CUX1: variants seen among roughly 807,000 people sequenced by gnomAD.
CUX1 encodes the protein protein CASP.
In CUX1, 31 loss-of-function variants were observed where a neutral mutation model predicts 158.8. That is an observed-to-expected ratio of 0.20 (90% CI 0.15 to 0.26). The LOEUF (loss-of-function observed/expected upper bound fraction) is 0.26, where lower values mean the gene tolerates loss of function less well. CUX1 is among the 10% of genes least tolerant of loss of function. The pLI is 1.00. For missense variants in CUX1, 1,589 were observed against 2,014.6 expected (o/e 0.79, Z 4.04); for synonymous variants, 879 against 862.1 (o/e 1.02, Z -0.34).
chr7:102,274,279 G>A (rs1780600890), exon 16 of CUX1: 1 of 1,613,558 alleles, frequency 6.2e-7, no homozygotes, highest in African/African-American at 1.3e-5. Context: ...AGATCCCAGA[G>A]CCCATCAAAG....
intron 2 of CUX1, among the ~76,000 whole-genome samples, chr7:102,007,274 G>A (rs972300850): frequency 1.3e-5 from 2 of 152,090 alleles, no homozygotes; most frequent in African/African-American, 4.8e-5. Flanking sequence ...GAACCCCTCA[G>A]TTCATTCTCA....
chr7:101,824,358 G>A (rs996612197), intron 1 of CUX1: 1 of 152,222 alleles, frequency 6.6e-6, no homozygotes, highest in Non-Finnish European at 1.5e-5. Flanking sequence ...CAAAGTGGTG[G>A]GATTACAGGT....
In CUX1 at chr7:102,253,193, G is replaced by A. The variant is rs945894571; in HGVS notation, c.*4151G>A. ...TGGACGTTCAGGTCTGCTGGTTGGC[G>A]GTCCGGGCCCAGAGTGCAGCAGAGC... On this transcript the variant is annotated 3_prime_UTR_variant, in exon 24 of 24. Transcript: ENST00000292535. 21 of 985,366 alleles carry A rather than the reference G, an allele frequency of 2.1e-5. No individual in the cohort carries two copies. The African/African-American group carries it at 2.6e-4, about 12-fold the overall frequency. The allele number at this position is 985,366 out of a possible 1,614,324, so 61.0% of individuals were successfully genotyped here.
At chr7:102,137,923 C>T (rs1365930789) in intron 8 of CUX1, among the ~76,000 whole-genome samples, 1 of 152,102 alleles carries the variant, frequency 6.6e-6, no homozygotes, top group Non-Finnish European at 1.5e-5. Flanking sequence ...CACTGGCTCA[C>T]ACCTGTAGCC....
chr7:101,825,796 TGTGCGC>T (rs779082979), intron 1 of CUX1, among the ~76,000 whole-genome samples: 12,771 of 81,972 alleles, frequency 0.16, 448 homozygotes, highest in Middle Eastern at 0.22. Context: ...TGTGTGTGTG[TGTGCGC>T]GCGCGCGCGC....
At chr7:102,062,661 C>A (rs958128259) in intron 3 of CUX1, among the ~76,000 whole-genome samples, 1 of 152,114 alleles carries the variant, frequency 6.6e-6, no homozygotes, top group Non-Finnish European at 1.5e-5. Context: ...CCACACCCAC[C>A]CAGCCAATTT....
rs188116808 is a variant in CUX1, at chr7:101,856,290, G to T, written c.30+38621G>T. Among the ~76,000 whole-genome samples the T allele has an allele frequency of 4.6e-5, 7 of 151,912 alleles. No individual in the cohort carries two copies. In the East Asian group the frequency reaches 1.4e-3, roughly 29 times the overall value. ...TTTTCAGCCATCAACGCAGGGAGCC[G>T]TTAATCACGACCCATAATAACCAGA... is the stretch of plus-strand genomic sequence containing the variant. On this transcript the variant is annotated intron_variant, in intron 1 of 23. Transcript: ENST00000292535.
chr7:102,037,160 A>G (rs1411888827), intron 3 of CUX1, among the ~76,000 whole-genome samples: 1 of 151,804 alleles, frequency 6.6e-6, no homozygotes, highest in African/African-American at 2.4e-5. Flanking sequence ...GTGCCACTGC[A>G]CTACAGCCTG....
At chr7:101,817,078 G>A (rs997110122), upstream of CUX1, 5 of 984,534 alleles carry the variant, frequency 5.1e-6, no homozygotes, top group East Asian at 4.6e-4. This position sits in a 1 kb window ranked among gnomAD's most constrained non-coding sequence, Gnocchi z 4.1. Flanking sequence ...AGGGGCGGCG[G>A]GGGTGCCCCG....
In CUX1 at chr7:102,256,715, G is replaced by T. The variant is rs1420742798; in HGVS notation, c.*7673G>T. The T allele has an allele frequency of 1.0e-6, 1 of 985,308 alleles. No homozygotes were observed. Among genetic ancestry groups the T allele is most frequent in the African/African-American group, 1.7e-5 (1 of 57,224 alleles). 61.0% of individuals were successfully genotyped at this position (985,308 alleles called of 1,614,324 possible). A position where few individuals can be genotyped will look rare whatever the true frequency, so the allele number is the denominator to read the frequency against. ...GCAAAGCCAAGTTCAGTTCCCCAAAGCCTCCTAGAGCCTCTGGTAAGACTT... is the reference window on the plus strand; with the variant it reads ...GCAAAGCCAAGTTCAGTTCCCCAAATCCTCCTAGAGCCTCTGGTAAGACTT... On this transcript the variant is annotated 3_prime_UTR_variant, in exon 24 of 24. Transcript: ENST00000292535.
intron 1 of CUX1, among the ~76,000 whole-genome samples, chr7:101,831,589 G>A (rs548995350): frequency 4.2e-4 from 64 of 152,166 alleles, no homozygotes; most frequent in African/African-American, 1.5e-3. Context: ...ACCATGCCTG[G>A]CCGGAACTGA....
chr7:102,250,675 T>C lies in CUX1; in HGVS notation c.*1633T>C. ...TTTCATTTCGCCTCTTAGTTCTTTT[T>C]ATGCACAGTTTTAGGGCAGTCTAAG... On this transcript the variant is annotated 3_prime_UTR_variant, in exon 24 of 24. Coordinates refer to ENST00000292535, the MANE Select transcript of CUX1 (RefSeq NM_181552.4). 1 of 985,442 alleles carries C rather than the reference T, an allele frequency of 1.0e-6. No individual in the cohort carries two copies. Among genetic ancestry groups the C allele is most frequent in the Non-Finnish European group, 1.2e-6 (1 of 829,930 alleles). The allele number at this position is 985,442 out of a possible 1,614,324, so 61.0% of individuals were successfully genotyped here. A position where few individuals can be genotyped will look rare whatever the true frequency, so the allele number is the denominator to read the frequency against.
chr7:101,861,903 C>T (rs192733598), intron 1 of CUX1, among the ~76,000 whole-genome samples: 2,754 of 152,116 alleles, frequency 0.018, 39 homozygotes, highest in Non-Finnish European at 0.028. Context: ...GGCACAATCT[C>T]GGCTCACTAC....
chr7:102,028,269 G>A lies in CUX1; in HGVS notation c.189+124G>A, dbSNP rs114434781. ...CAGATGGTGCCTTCCCGGCTGCTCC[G>A]ACCCAGCGTCATGCAGATTTTGCGC... On this transcript the variant is annotated intron_variant, in intron 3 of 23. Coordinates refer to ENST00000292535, the MANE Select transcript of CUX1 (RefSeq NM_181552.4). The A allele has an allele frequency of 2.1e-3, 2,017 of 945,790 alleles. 37 individuals are homozygous for A. In the African/African-American group the frequency reaches 0.03, roughly 14 times the overall value. 58.6% of individuals were successfully genotyped at this position (945,790 alleles called of 1,614,324 possible).
intron 1 of CUX1, among the ~76,000 whole-genome samples, chr7:101,834,920 C>T (rs1389034078): frequency 1.3e-5 from 2 of 151,922 alleles, no homozygotes; most frequent in African/African-American, 2.4e-5. Context: ...CTCTTGAACC[C>T]GGGAGGCAGA....
At chr7:101,990,270 A>G (rs1429889587) in intron 2 of CUX1, among the ~76,000 whole-genome samples, 1 of 152,126 alleles carries the variant, frequency 6.6e-6, no homozygotes, top group Admixed American at 6.5e-5. Context: ...GCTGAGGCAA[A>G]AGGATTGCTT....
At chr7:102,207,613 G>A (rs573616740) in intron 20 of CUX1, among the ~76,000 whole-genome samples, 7 of 152,128 alleles carry the variant, frequency 4.6e-5, no homozygotes, top group Non-Finnish European at 8.8e-5. Context: ...CACCACGCCC[G>A]GCTAATTTTT....
chr7:101,897,404 G>C (rs1203962225), intron 1 of CUX1, among the ~76,000 whole-genome samples: 1 of 152,034 alleles, frequency 6.6e-6, no homozygotes, highest in African/African-American at 2.4e-5. Flanking sequence ...GAAAGGCTGA[G>C]GTGGAAGGAT....
chr7:101,850,426 T>TTTC (rs1562926917), intron 1 of CUX1, among the ~76,000 whole-genome samples: 2 of 146,778 alleles, frequency 1.4e-5, no homozygotes, highest in African/African-American at 5.0e-5. Flanking sequence ...TCTTTCTTTT[T>TTTC]TTTTTTTTTT....
Sources: gnomAD v4.1 joint callset for allele counts (sites outside exome capture counted in the v4.1 genomes callset) on GRCh38, gnomAD v4.1.1 for gene constraint, Gnocchi (gnomAD v3.1) non-coding constraint, MANE v1.5 for transcripts, NCBI Gene and HGNC (gene_info 2026-07-23, HGNC 2026-07-21) for gene names.